The following GALNT18 variants were observed in gnomAD, a reference collection of about 807,000 sequenced individuals.
GALNT18 encodes the protein GalNAc-transferase 18.
In GALNT18, 44 loss-of-function variants were observed where a neutral mutation model predicts 69.5. The observed-to-expected ratio is 0.63, with a 90% CI of 0.50 to 0.81. The LOEUF (loss-of-function observed/expected upper bound fraction) is 0.81, where lower values mean the gene tolerates loss of function less well. Among genes scored for constraint, GALNT18 ranks in the 40% least tolerant of loss-of-function variants. The pLI is 0.00. For synonymous variants in GALNT18, 364 were observed against 318.2 expected (o/e 1.14, Z -1.53); for missense variants, 715 against 810.0 (o/e 0.88, Z 1.42).
At chr11:11,271,813 T>G (rs1052375935) in intron 10 of GALNT18, among the ~76,000 whole-genome samples, 5 of 152,228 alleles carry the variant, frequency 3.3e-5, no homozygotes, top group African/African-American at 1.2e-4. Context: ...CTGACATGCA[T>G]GATTTTTCCC....
chr11:11,463,242 A>G lies in GALNT18; in HGVS notation c.236-14306T>C, dbSNP rs1157071858. Among the ~76,000 whole-genome samples the G allele has an allele frequency of 6.6e-6, 1 of 151,814 alleles. No homozygotes were observed. Among genetic ancestry groups the G allele is most frequent in the Non-Finnish European group, 1.5e-5 (1 of 68,016 alleles). ...CACACACACAGAGAGAGAGAGAGAG[A>G]GTTCCAGAAGCCCGCAGCAGCCTAC... On this transcript the variant is annotated intron_variant, in intron 1 of 10. Coordinates refer to ENST00000227756, the MANE Select transcript of GALNT18 (RefSeq NM_198516.3). This position sits in a 1 kb window ranked among gnomAD's most constrained non-coding sequence, Gnocchi z 4.2.
chr11:11,501,518 T>G (rs560747000), intron 1 of GALNT18, among the ~76,000 whole-genome samples: 1 of 152,188 alleles, frequency 6.6e-6, no homozygotes, highest in Non-Finnish European at 1.5e-5. Context: ...TCCTACTCTT[T>G]CGTGAGCAAA....
At position 11,396,089 on chromosome 11, in the gene GALNT18, C is replaced by T. The variant is rs944334499; in HGVS notation, c.596-16825G>A. Among the ~76,000 whole-genome samples, 8 of 152,172 alleles carry T rather than the reference C, an allele frequency of 5.3e-5. No individual in the cohort carries two copies. Among genetic ancestry groups the T allele is most frequent in the African/African-American group, 1.9e-4 (8 of 41,438 alleles). On this transcript the variant is annotated intron_variant, in intron 3 of 10. Transcript: ENST00000227756. The surrounding 1 kb of genome is among the most constrained non-coding windows in gnomAD (Gnocchi z 5.2). ...AACCACTTCCCTCTGTTGCTGATCC[C>T]CATGGGGCTGAACAGTCCCAAAGAG... is the stretch of plus-strand genomic sequence containing the variant.
chr11:11,531,134 A>C (rs1213402396), intron 1 of GALNT18, among the ~76,000 whole-genome samples: 1 of 152,190 alleles, frequency 6.6e-6, no homozygotes, highest in African/African-American at 2.4e-5. Context: ...AAGACACTAC[A>C]CGAGGATTTA....
chr11:11,313,576 ATTG>A (rs1480216209), intron 9 of GALNT18, among the ~76,000 whole-genome samples: 1 of 152,130 alleles, frequency 6.6e-6, no homozygotes, highest in African/African-American at 2.4e-5. Context: ...GTGATGGCTT[ATTG>A]TTCTGTCTCT....
Position 11,540,613 on chromosome 11 carries a change from C to T in GALNT18, c.235+80746G>A, listed in dbSNP as rs926129597. ...AAACTGATCCCTGATCTTGCCTCTGCGAGTTTCCCTTGGCCTGCCCTGCGA... is the reference window on the plus strand; with the variant it reads ...AAACTGATCCCTGATCTTGCCTCTGTGAGTTTCCCTTGGCCTGCCCTGCGA... On this transcript the variant is annotated intron_variant, in intron 1 of 10. Transcript: ENST00000227756. The surrounding 1 kb of genome is among the most constrained non-coding windows in gnomAD (Gnocchi z 4.6). Among the ~76,000 whole-genome samples the T allele has an allele frequency of 1.3e-5, 2 of 152,276 alleles. No homozygotes were observed. Among genetic ancestry groups the T allele is most frequent in the African/African-American group, 4.8e-5 (2 of 41,548 alleles).
At chr11:11,554,880 G>A (rs544039911) in intron 1 of GALNT18, among the ~76,000 whole-genome samples, 9 of 152,278 alleles carry the variant, frequency 5.9e-5, no homozygotes, top group African/African-American at 2.4e-5. Flanking sequence ...TCTGAGCCCA[G>A]GGTCTCTGAG....
chr11:11,587,103 C>G lies in GALNT18; in HGVS notation c.235+34256G>C, dbSNP rs1859246697. ...GCACCCATTATCCTGACCCCTCCCC[C>G]AGTATCCAAACCTTCCCCAAGAGCC... On this transcript the variant is annotated intron_variant, in intron 1 of 10. Transcript: ENST00000227756. The surrounding 1 kb of genome is among the most constrained non-coding windows in gnomAD (Gnocchi z 4.4). Among the ~76,000 whole-genome samples the G allele has an allele frequency of 6.6e-6, 1 of 152,210 alleles. No homozygotes were observed. Among genetic ancestry groups the G allele is most frequent in the Non-Finnish European group, 1.5e-5 (1 of 68,042 alleles).
At chr11:11,361,727 A>G (rs1436261546) in intron 6 of GALNT18, among the ~76,000 whole-genome samples, 1 of 152,196 alleles carries the variant, frequency 6.6e-6, no homozygotes, top group Non-Finnish European at 1.5e-5. Context: ...GTAAATTCAA[A>G]GCCTGCTCTT....
At chr11:11,380,976 T>C (rs548484064) in intron 3 of GALNT18, among the ~76,000 whole-genome samples, 36 of 152,194 alleles carry the variant, frequency 2.4e-4, no homozygotes, top group Non-Finnish European at 4.4e-4. Flanking sequence ...AGTGTCCTCA[T>C]TCCAGCCTGG....
chr11:11,615,657 T>G (rs1004546280), intron 1 of GALNT18, among the ~76,000 whole-genome samples: 2 of 151,932 alleles, frequency 1.3e-5, no homozygotes, highest in Non-Finnish European at 2.9e-5. Flanking sequence ...ATTTTCAACT[T>G]TTTTTTTAAA....
intron 6 of GALNT18, among the ~76,000 whole-genome samples, chr11:11,370,181 G>A (rs1191838368): frequency 1.3e-5 from 2 of 152,206 alleles, no homozygotes; most frequent in African/African-American, 4.8e-5. Flanking sequence ...TTTAGTAATT[G>A]CGCAAACAAC....
intron 3 of GALNT18, among the ~76,000 whole-genome samples, chr11:11,408,041 A>T (rs1242386472): frequency 6.6e-6 from 1 of 152,232 alleles, no homozygotes; most frequent in African/African-American, 2.4e-5. Context: ...AAATTATACA[A>T]AACAGTAATC....
chr11:11,429,192 C>T (rs1297305259), intron 3 of GALNT18, among the ~76,000 whole-genome samples: 1 of 152,216 alleles, frequency 6.6e-6, no homozygotes, highest in African/African-American at 2.4e-5. Flanking sequence ...TGTCCTTCCA[C>T]CTGTCTGTGG....
intron 3 of GALNT18, among the ~76,000 whole-genome samples, chr11:11,412,444 G>A (rs893346320): frequency 2.6e-5 from 4 of 152,098 alleles, no homozygotes; most frequent in African/African-American, 2.4e-5. Context: ...CCAAGCCACC[G>A]CTTCACACAG....
chr11:11,526,706 T>C (rs116405071), intron 1 of GALNT18, among the ~76,000 whole-genome samples: 109 of 152,260 alleles, frequency 7.2e-4, no homozygotes, highest in African/African-American at 2.4e-3. Context: ...AAAGAGCTGC[T>C]AGAATACCTG....
intron 1 of GALNT18, among the ~76,000 whole-genome samples, chr11:11,502,221 T>A (rs1247234861): frequency 6.6e-6 from 1 of 152,170 alleles, no homozygotes; most frequent in East Asian, 1.9e-4. Context: ...GCTTGCAGAA[T>A]TTATGCGCTC....
At chr11:11,272,837 G>A (rs1395336069) in intron 10 of GALNT18, among the ~76,000 whole-genome samples, 2 of 152,176 alleles carry the variant, frequency 1.3e-5, no homozygotes, top group Non-Finnish European at 2.9e-5. Flanking sequence ...CTGAGAGAGG[G>A]AGAGGTGGCA....
chr11:11,508,607 T>C (rs1857113632), intron 1 of GALNT18, among the ~76,000 whole-genome samples: 1 of 152,248 alleles, frequency 6.6e-6, no homozygotes, highest in African/African-American at 2.4e-5. Context: ...GCTGCAATTA[T>C]TGTAATCCCT....
Sources: allele counts gnomAD v4.1 joint callset (sites outside exome capture counted in the v4.1 genomes callset), GRCh38; gene constraint gnomAD v4.1.1; non-coding constraint Gnocchi (gnomAD v3.1); transcripts MANE v1.5; gene names NCBI Gene and HGNC (gene_info 2026-07-23, HGNC 2026-07-21).